Variants in CRISPLD2 observed in about 807,000 individuals in gnomAD.
CRISPLD2 encodes cysteine rich secretory protein LCCL domain containing 2.
Under a neutral mutation model 71.1 loss-of-function variants are expected in CRISPLD2, and 47 were observed. That is an observed-to-expected ratio of 0.66 (90% CI 0.52 to 0.84). The LOEUF (loss-of-function observed/expected upper bound fraction) is 0.84. Ranked by LOEUF, CRISPLD2 falls within the 40% of genes least tolerant of loss-of-function variation. The pLI is 0.00. For missense variants in CRISPLD2, 830 were observed against 651.1 expected (o/e 1.27, Z -2.99); for synonymous variants, 317 against 250.1 (o/e 1.27, Z -2.52).
At position 84,907,552 on chromosome 16, in the gene CRISPLD2, T is replaced by C. The variant is rs1464038990; in HGVS notation, c.*910T>C. The C allele has an allele frequency of 6.6e-6, 1 of 152,228 alleles. No homozygotes were observed. The highest frequency in any genetic ancestry group is 1.5e-5 in the Non-Finnish European group (1 of 68,040). The allele number at this position is 152,228 out of a possible 1,614,324, so 9.4% of individuals were successfully genotyped here. A position where few individuals can be genotyped will look rare whatever the true frequency, so the allele number is the denominator to read the frequency against. On this transcript the variant is annotated 3_prime_UTR_variant, in exon 15 of 15. Coordinates refer to ENST00000262424, the MANE Select transcript of CRISPLD2 (RefSeq NM_031476.4). ...GCGAACCTGTTTGAAGCCCAAGTCT[T>C]AACTCCTGGTCTCGTAAGGTTCCAC...
chr16:84,827,704 C>T (rs1174362097), intron 1 of CRISPLD2, among the ~76,000 whole-genome samples: 4 of 152,006 alleles, frequency 2.6e-5, no homozygotes, highest in African/African-American at 7.3e-5. Context: ...GTAGCTGGGA[C>T]TACAGGCATG....
chr16:84,847,988 A>C (rs1180290785), intron 3 of CRISPLD2, among the ~76,000 whole-genome samples: 1 of 152,128 alleles, frequency 6.6e-6, no homozygotes, highest in African/African-American at 2.4e-5. Context: ...TCTTTGTCTC[A>C]CTTGAATGAT....
intron 6 of CRISPLD2, among the ~76,000 whole-genome samples, chr16:84,856,146 C>G (rs1330628831): frequency 6.6e-6 from 1 of 152,168 alleles, no homozygotes; most frequent in Non-Finnish European, 1.5e-5. Flanking sequence ...TGGAGTGACC[C>G]AAACCTTCAT....
intron 11 of CRISPLD2, among the ~76,000 whole-genome samples, chr16:84,874,735 T>C (rs2071503321): frequency 6.6e-6 from 1 of 152,224 alleles, no homozygotes; most frequent in Admixed American, 6.5e-5. Context: ...GCCTGTTTAT[T>C]CCAGATAATT....
chr16:84,835,185 G>C (rs887375518), intron 1 of CRISPLD2, among the ~76,000 whole-genome samples: 10 of 152,110 alleles, frequency 6.6e-5, no homozygotes, highest in African/African-American at 2.2e-4. Context: ...CCACCTCCCA[G>C]GTTCAAGCAA....
intron 1 of CRISPLD2, chr16:84,828,354 C>G (rs1210543388): frequency 6.6e-6 from 1 of 152,202 alleles, no homozygotes; most frequent in Non-Finnish European, 1.5e-5. Context: ...AGCACCCTTC[C>G]TCCCCTAGCC....
At chr16:84,838,389 C>T (rs921761739) in intron 1 of CRISPLD2, 33 bp from the exon 2 acceptor site, 9 of 1,405,856 alleles carry the variant, frequency 6.4e-6, no homozygotes, top group South Asian at 2.7e-5. Flanking sequence ...CCTACTAATG[C>T]GACTTCTCCC....
At chr16:84,847,730 C>T (rs779205884) in intron 3 of CRISPLD2, among the ~76,000 whole-genome samples, 21 of 152,044 alleles carry the variant, frequency 1.4e-4, no homozygotes, top group Admixed American at 3.9e-4. Flanking sequence ...TAGCCTGGTT[C>T]GGCTCTTTTC....
Position 84,888,676 on chromosome 16 carries a change from C to G in CRISPLD2, c.1306-554C>G, listed in dbSNP as rs186237641. Among the ~76,000 whole-genome samples the G allele has an allele frequency of 5.3e-5, 8 of 152,350 alleles. No homozygotes were observed. In the South Asian group the frequency reaches 1.7e-3, roughly 32 times the overall value. ...AGCCACCCTGGCTGTCTGTCTGTTT[C>G]TTGGATATGATGAGTTTATATCCAC... On this transcript the variant is annotated intron_variant, in intron 13 of 14. Transcript: ENST00000262424.
chr16:84,882,211 C>G (rs996794615), intron 13 of CRISPLD2, among the ~76,000 whole-genome samples: 1 of 151,890 alleles, frequency 6.6e-6, no homozygotes, highest in African/African-American at 2.4e-5. Flanking sequence ...ATATTCCTCT[C>G]TGAAAAAGTG....
intron 6 of CRISPLD2, among the ~76,000 whole-genome samples, chr16:84,860,961 C>T (rs1917362970): frequency 6.6e-6 from 1 of 152,178 alleles, no homozygotes; most frequent in African/African-American, 2.4e-5. Flanking sequence ...TCTTTCATCA[C>T]TTTGTCCGGT....
intron 6 of CRISPLD2, among the ~76,000 whole-genome samples, chr16:84,862,585 T>G (rs1917414253): frequency 6.6e-6 from 1 of 151,990 alleles, no homozygotes; most frequent in Non-Finnish European, 1.5e-5. Context: ...TTCTCATGTC[T>G]TGGGATATTT....
intron 14 of CRISPLD2, 125 bp from the exon 15 acceptor site, chr16:84,906,463 C>G: frequency 1.1e-6 from 1 of 917,060 alleles, no homozygotes. Flanking sequence ...GGAAGTGTCC[C>G]TTGGCCATGG....
chr16:84,832,975 G>A lies in CRISPLD2; in HGVS notation c.-74-5447G>A, dbSNP rs544650753. Among the ~76,000 whole-genome samples, 11 of 152,334 alleles carry A rather than the reference G, an allele frequency of 7.2e-5. No homozygotes were observed. In the East Asian group the frequency reaches 1.7e-3, roughly 24 times the overall value. On this transcript the variant is annotated intron_variant, in intron 1 of 14. Coordinates refer to ENST00000262424, the MANE Select transcript of CRISPLD2 (RefSeq NM_031476.4). ...CCACAAAGCCTCGGCCAGGGTAGAG[G>A]GGTGCGGTTGGAGAGCTCATAGTGC...
chr16:84,903,656 G>A (rs1410913592), intron 14 of CRISPLD2, among the ~76,000 whole-genome samples: 4 of 151,810 alleles, frequency 2.6e-5, no homozygotes, highest in East Asian at 3.9e-4. Context: ...GTTACTAAAC[G>A]TTAGTGTAGG....
At chr16:84,823,991 G>C (rs1916290049) in intron 1 of CRISPLD2, among the ~76,000 whole-genome samples, 1 of 152,192 alleles carries the variant, frequency 6.6e-6, no homozygotes, top group African/African-American at 2.4e-5. Context: ...ATAGGGAAAA[G>C]ACTCAACTGG....
rs149263675 is a variant in CRISPLD2, at chr16:84,907,423, A to G, written c.*781A>G. On this transcript the variant is annotated 3_prime_UTR_variant, in exon 15 of 15. Transcript: ENST00000262424. ...GCCGTGACCTTTGGTCCCATTGAGG[A>G]CTAAGGATCGGGACCCTTTCTTTAC... is the stretch of plus-strand genomic sequence containing the variant. 1.3e-5 allele frequency: 2 copies of G among 152,402 alleles called. No homozygotes were observed. Among genetic ancestry groups the G allele is most frequent in the Non-Finnish European group, 2.9e-5 (2 of 68,108 alleles). 9.4% of individuals were successfully genotyped at this position (152,402 alleles called of 1,614,324 possible).
At chr16:84,831,857 C>T (rs1448774012) in intron 1 of CRISPLD2, among the ~76,000 whole-genome samples, 1 of 152,204 alleles carries the variant, frequency 6.6e-6, no homozygotes, top group East Asian at 1.9e-4. Flanking sequence ...GCCTCAGCCT[C>T]CTGAGTAGCT....
intron 12 of CRISPLD2, among the ~76,000 whole-genome samples, chr16:84,879,059 C>T (rs1204606224): frequency 1.3e-5 from 2 of 152,106 alleles, no homozygotes; most frequent in African/African-American, 4.8e-5. Context: ...GGGAAAGGCC[C>T]AGGAGGGTGA....
Sources: allele counts gnomAD v4.1 joint callset (sites outside exome capture counted in the v4.1 genomes callset), GRCh38; gene constraint gnomAD v4.1.1; transcripts MANE v1.5; gene names NCBI Gene and HGNC (gene_info 2026-07-23, HGNC 2026-07-21).